Variants in ANO2 observed in about 807,000 individuals in gnomAD.
The protein encoded by ANO2 is anoctamin 2.
ANO2 carries 101 observed loss-of-function variants against 124.2 expected under a neutral mutation model. The observed-to-expected ratio is 0.81, with a 90% CI of 0.69 to 0.96. The LOEUF is 0.96. Ranked by LOEUF, ANO2 falls within the 40% of genes least tolerant of loss-of-function variation. The pLI is 0.00. For synonymous variants in ANO2, 486 were observed against 482.5 expected (o/e 1.01, Z -0.09); for missense variants, 1,293 against 1,274.5 (o/e 1.01, Z -0.22).
intron 3 of ANO2, among the ~76,000 whole-genome samples, chr12:5,878,491 T>C (rs1938261864): frequency 6.6e-6 from 1 of 152,246 alleles, no homozygotes; most frequent in African/African-American, 2.4e-5. Flanking sequence ...AAACACTTGA[T>C]AAATTCATTG....
At chr12:5,641,142 CAT>C (rs1345054888) in intron 15 of ANO2, among the ~76,000 whole-genome samples, 3 of 150,276 alleles carry the variant, frequency 2.0e-5, no homozygotes, top group South Asian at 2.1e-4. Flanking sequence ...CCAAACACCA[CAT>C]GTTCTCACTC....
chr12:5,728,745 A>G (rs1431875201), intron 14 of ANO2, among the ~76,000 whole-genome samples: 1 of 152,208 alleles, frequency 6.6e-6, no homozygotes, highest in Non-Finnish European at 1.5e-5. Flanking sequence ...AAAACTTACT[A>G]TATAGGCACA....
intron 16 of ANO2, among the ~76,000 whole-genome samples, chr12:5,622,847 C>T (rs1223919044): frequency 6.6e-6 from 1 of 151,788 alleles, no homozygotes; most frequent in Non-Finnish European, 1.5e-5. Context: ...AGCTACAATC[C>T]CAGCTACTCG....
intron 10 of ANO2, among the ~76,000 whole-genome samples, chr12:5,759,337 G>A (rs1161655705): frequency 6.6e-6 from 1 of 152,086 alleles, no homozygotes; most frequent in East Asian, 1.9e-4. Context: ...TACAACAGAA[G>A]ATCAAAGTCA....
chr12:5,724,939 A>G (rs992218861), intron 14 of ANO2, among the ~76,000 whole-genome samples: 2 of 152,104 alleles, frequency 1.3e-5, no homozygotes, highest in Admixed American at 6.5e-5. Flanking sequence ...TGAAACCTAC[A>G]TTTGCCATTA....
Position 5,817,505 on chromosome 12 carries a change from C to T in ANO2, c.893-10137G>A, listed in dbSNP as rs1275348480. ...CTAAGCCACGGGTGTAGAAAACAAG[C>T]AAGAAAGAGATTCGGTTTGATAAGA... On this transcript the variant is annotated intron_variant, in intron 7 of 24. Coordinates refer to ENST00000682330, the MANE Select transcript of ANO2 (RefSeq NM_001364791.2). Among the ~76,000 whole-genome samples the T allele has an allele frequency of 2.0e-5, 3 of 152,150 alleles. No homozygotes were observed. In the East Asian group the frequency reaches 5.8e-4, roughly 29 times the overall value.
At chr12:5,582,886 C>A (rs1391279139) in intron 20 of ANO2, among the ~76,000 whole-genome samples, 2 of 152,188 alleles carry the variant, frequency 1.3e-5, no homozygotes, top group Admixed American at 1.3e-4. Flanking sequence ...TGTATGAAGA[C>A]TCCCCTCCAC....
chr12:5,694,071 T>C (rs1015943185), intron 14 of ANO2, among the ~76,000 whole-genome samples: 2 of 152,150 alleles, frequency 1.3e-5, no homozygotes, highest in Non-Finnish European at 2.9e-5. Flanking sequence ...CCCCAGAGTT[T>C]GTGCCTGCAA....
intron 14 of ANO2, among the ~76,000 whole-genome samples, chr12:5,683,368 A>G (rs1356984571): frequency 6.6e-6 from 1 of 152,216 alleles, no homozygotes; most frequent in African/African-American, 2.4e-5. Context: ...ATTCAAAAAT[A>G]TCAAGGAAAT....
chr12:5,865,353 TGA>T (rs1955389009), intron 3 of ANO2, among the ~76,000 whole-genome samples: 1 of 148,324 alleles, frequency 6.7e-6, no homozygotes, highest in African/African-American at 2.5e-5. Flanking sequence ...CATCATGCCA[TGA>T]CACCATCATG....
rs116670896 is a variant in ANO2 at position 5,750,684 on chromosome 12, G to C, written c.1190+152C>G. Among the ~76,000 whole-genome samples the C allele has an allele frequency of 3.8e-3, 573 of 152,360 alleles. 5 individuals are homozygous for C. The highest frequency in any genetic ancestry group is 0.013 in the African/African-American group (555 of 41,586). ...CCCAGAATCTGTAGCTCCTAGATCT[G>C]TCTCTGGAGGAAAGCTACATGTGTC... On this transcript the variant is annotated intron_variant, in intron 11 of 24. Transcript: ENST00000682330.
At chr12:5,739,211 G>C in intron 13 of ANO2, 106 bp downstream of exon 13, 1 of 1,109,694 alleles carries the variant, frequency 9.0e-7, no homozygotes, top group Non-Finnish European at 1.3e-6. Flanking sequence ...GATCCAGCCA[G>C]TGACAGCAAA....
intron 1 of ANO2, among the ~76,000 whole-genome samples, chr12:5,933,518 A>G (rs2136319638): frequency 6.6e-6 from 1 of 152,318 alleles, no homozygotes; most frequent in Non-Finnish European, 1.5e-5. Context: ...GGGTGGATGG[A>G]CAGGTGGGTA....
At chr12:5,941,114 G>A (rs1006936748) in intron 1 of ANO2, among the ~76,000 whole-genome samples, 2 of 152,192 alleles carry the variant, frequency 1.3e-5, no homozygotes, top group African/African-American at 4.8e-5. Context: ...GAGGAAAAAT[G>A]AGCAACTGCC....
chr12:5,738,407 G>A (rs186729090), intron 13 of ANO2, among the ~76,000 whole-genome samples: 8 of 152,218 alleles, frequency 5.3e-5, no homozygotes, highest in Middle Eastern at 3.2e-3. Context: ...GTCCTTGCAA[G>A]TGGACTCAGG....
intron 3 of ANO2, among the ~76,000 whole-genome samples, chr12:5,857,474 AT>A (rs1401674115): frequency 1.3e-5 from 2 of 152,232 alleles, no homozygotes; most frequent in East Asian, 3.9e-4. Flanking sequence ...GGCTATACCA[AT>A]TTACATTCCT....
chr12:5,573,836 T>G (rs1369986024), intron 23 of ANO2, among the ~76,000 whole-genome samples: 1 of 152,268 alleles, frequency 6.6e-6, no homozygotes, highest in African/African-American at 2.4e-5. Flanking sequence ...GAAGTTGTTG[T>G]TCCTGGAACT....
intron 14 of ANO2, among the ~76,000 whole-genome samples, chr12:5,675,527 T>C (rs1314627313): frequency 6.6e-6 from 1 of 152,282 alleles, no homozygotes. Context: ...TTCCAAACCC[T>C]AGCCTTTCTT....
At chr12:5,585,770 C>T (rs190164243) in intron 20 of ANO2, among the ~76,000 whole-genome samples, 188 of 152,242 alleles carry the variant, frequency 1.2e-3, no homozygotes, top group Admixed American at 2.4e-3. Context: ...GCAATGAAAC[C>T]AGTCATGATT....
Sources: allele counts gnomAD v4.1 joint callset (sites outside exome capture counted in the v4.1 genomes callset), GRCh38; gene constraint gnomAD v4.1.1; transcripts MANE v1.5; gene names NCBI Gene and HGNC (gene_info 2026-07-23, HGNC 2026-07-21).